The following PDE8B variants were observed in gnomAD, a reference collection of about 807,000 sequenced individuals.
PDE8B encodes high affinity cAMP-specific and IBMX-insensitive 3',5'-cyclic phosphodiesterase 8B.
PDE8B carries 26 observed loss-of-function variants against 101.3 expected under a neutral mutation model. The ratio of observed to expected loss-of-function variants is 0.26; its 90% CI spans 0.19 to 0.36. PDE8B has a LOEUF of 0.36. Ranked by LOEUF, PDE8B falls within the 10% of genes least tolerant of loss-of-function variation. The pLI is 1.00. For missense variants in PDE8B, 810 were observed against 1,163.1 expected (o/e 0.70, Z 4.42); for synonymous variants, 424 against 429.3 (o/e 0.99, Z 0.15).
At chr5:77,258,289 CAAAA>C (rs70988662) in intron 1 of PDE8B, among the ~76,000 whole-genome samples, 10 of 88,548 alleles carry the variant, frequency 1.1e-4, no homozygotes, top group Non-Finnish European at 1.1e-4. Flanking sequence ...GACTCCATCT[CAAAA>C]AAAAAAAAAA....
At chr5:77,159,382 G>A in the PDE8B span, among the ~76,000 whole-genome samples, 1 of 152,120 alleles carries the variant, frequency 6.6e-6, no homozygotes, top group Non-Finnish European at 1.5e-5. Context: ...TATAAAGCAG[G>A]CAGAAAAAAC....
chr5:77,350,975 G>A, intron 8 of PDE8B, 90 bp from the exon 9 acceptor site: 1 of 892,140 alleles, frequency 1.1e-6, no homozygotes. Context: ...GAGCATGTGG[G>A]AATGTTCCTT....
At chr5:77,213,462 T>G (rs1748936543) in intron 1 of PDE8B, among the ~76,000 whole-genome samples, 1 of 152,258 alleles carries the variant, frequency 6.6e-6, no homozygotes. Context: ...GGCCTGTGAC[T>G]CGGTGTTGTA....
At chr5:77,376,147 T>C (rs920461649) in intron 10 of PDE8B, among the ~76,000 whole-genome samples, 4 of 152,148 alleles carry the variant, frequency 2.6e-5, no homozygotes, top group Non-Finnish European at 4.4e-5. Flanking sequence ...AAGGGTCTCA[T>C]TTCCTAGGAT....
chr5:77,390,711 A>T (rs937962082), intron 10 of PDE8B, among the ~76,000 whole-genome samples: 5 of 152,214 alleles, frequency 3.3e-5, no homozygotes, highest in Non-Finnish European at 5.9e-5. Flanking sequence ...GATGTCCCGC[A>T]CTAATGCAGG....
intron 2 of PDE8B, among the ~76,000 whole-genome samples, chr5:77,322,861 A>G (rs1467203981): frequency 6.6e-6 from 1 of 152,202 alleles, no homozygotes; most frequent in East Asian, 1.9e-4. Context: ...TTTGTTCATC[A>G]ACATACCATA....
the PDE8B span, among the ~76,000 whole-genome samples, chr5:77,199,029 A>G: frequency 6.6e-5 from 10 of 152,138 alleles, no homozygotes; most frequent in Admixed American, 5.9e-4. Flanking sequence ...TTGATACAGG[A>G]TTTAGGCTAC....
the PDE8B span, among the ~76,000 whole-genome samples, chr5:77,102,773 C>A: frequency 5.9e-5 from 9 of 152,212 alleles, no homozygotes; most frequent in African/African-American, 2.2e-4. Flanking sequence ...CCCACTCAGC[C>A]AGAAACCCAG....
chr5:77,372,764 G>T (rs1457008271), intron 10 of PDE8B, among the ~76,000 whole-genome samples: 3 of 152,180 alleles, frequency 2.0e-5, no homozygotes, highest in African/African-American at 7.2e-5. Flanking sequence ...GTAGTGTAAG[G>T]CCAGGTGTCG....
Position 77,418,233 on chromosome 5 carries a change from G to A in PDE8B, c.1916G>A (p.Ser639Asn). ...CCTTGCCTCCCCATATCCCAGGGAAGCCTCGATCAGTTGGATGAGGTGGCA... is the reference window on the plus strand; with the variant it reads ...CCTTGCCTCCCCATATCCCAGGGAAACCTCGATCAGTTGGATGAGGTGGCA... ...FFLGKERVKG[S>N]LDQLDEVAAL... The change falls in exon 18 of 22, where the codon AGC (serine) becomes AAC (asparagine). Residue 639 changes from serine (S) to asparagine (N), a missense_variant. Around this residue, in one of 4 missense-constraint regions of PDE8B, gnomAD observed 325 missense variants for 560.9 expected, o/e 0.58. Transcript: ENST00000264917. 1 of 1,609,280 alleles carries A rather than the reference G, an allele frequency of 6.2e-7. No homozygotes were observed. The highest frequency in any genetic ancestry group is 8.5e-7 in the Non-Finnish European group (1 of 1,175,540).
At chr5:77,330,553 A>T (rs560192171) in intron 4 of PDE8B, among the ~76,000 whole-genome samples, 3 of 152,364 alleles carry the variant, frequency 2.0e-5, no homozygotes, top group African/African-American at 7.2e-5. Context: ...AAGAAAAAGA[A>T]AGTGGGTAAA....
chr5:77,295,355 C>T (rs148311184), intron 1 of PDE8B, among the ~76,000 whole-genome samples: 1 of 152,260 alleles, frequency 6.6e-6, no homozygotes, highest in South Asian at 2.1e-4. Context: ...AGCATAAGGA[C>T]TGGTGGTTGA....
intron 1 of PDE8B, among the ~76,000 whole-genome samples, chr5:77,283,548 T>G (rs1254644869): frequency 2.6e-5 from 4 of 152,232 alleles, no homozygotes; most frequent in Non-Finnish European, 5.9e-5. Flanking sequence ...CAGTTTTGCC[T>G]TTTCCAGAAT....
intron 19 of PDE8B, 42 bp from the exon 20 acceptor site, chr5:77,421,779 C>G (rs769050254): frequency 1.2e-6 from 2 of 1,601,854 alleles, no homozygotes; most frequent in African/African-American, 1.3e-5. Flanking sequence ...TGGGCTTCAC[C>G]GTCATCTTGA....
intron 2 of PDE8B, among the ~76,000 whole-genome samples, chr5:77,313,966 A>G (rs1381822767): frequency 1.3e-5 from 2 of 152,184 alleles, no homozygotes; most frequent in African/African-American, 4.8e-5. Context: ...TTGGTGTCAT[A>G]TCTAAGAATT....
chr5:77,410,889 G>A (rs562976051), intron 14 of PDE8B: 6 of 151,842 alleles, frequency 4.0e-5, no homozygotes, highest in East Asian at 1.9e-4. Flanking sequence ...TGTGCACAAC[G>A]TGCAGGTTTG....
chr5:77,094,088 C>G, the PDE8B span, among the ~76,000 whole-genome samples: 1 of 151,814 alleles, frequency 6.6e-6, no homozygotes, highest in African/African-American at 2.4e-5. Flanking sequence ...CCTTCGGAAC[C>G]TGTAGGGAAG....
intron 1 of PDE8B, among the ~76,000 whole-genome samples, chr5:77,253,938 T>C: frequency 6.6e-6 from 1 of 151,878 alleles, no homozygotes; most frequent in East Asian, 1.9e-4. Flanking sequence ...AATATGTAAC[T>C]ATATTTTATT....
the PDE8B span, chr5:77,112,537 G>T: frequency 6.6e-6 from 1 of 152,076 alleles, no homozygotes; most frequent in African/African-American, 2.4e-5. Flanking sequence ...AATAATAAGA[G>T]CTATTTGTGA....
Sources: gnomAD v4.1 joint callset for allele counts (sites outside exome capture counted in the v4.1 genomes callset) on GRCh38, gnomAD v4.1.1 for gene constraint, gnomAD v4.1.1 regional missense constraint, MANE v1.5 for transcripts, NCBI Gene and HGNC (gene_info 2026-07-23, HGNC 2026-07-21) for gene names.